Variants in DMGDH observed in about 807,000 individuals in gnomAD.
DMGDH encodes dimethylglycine dehydrogenase, mitochondrial.
In DMGDH, 76 loss-of-function variants were observed where a neutral mutation model predicts 95.2. That is an observed-to-expected ratio of 0.80 (90% CI 0.66 to 0.97). The LOEUF is 0.97. Ranked by LOEUF, DMGDH falls within the 50% of genes least tolerant of loss-of-function variation. The pLI, the probability that DMGDH is intolerant of heterozygous loss-of-function variation, is 0.00. For synonymous variants in DMGDH, 345 were observed against 377.6 expected (o/e 0.91, Z 1.00); for missense variants, 987 against 1,055.0 (o/e 0.94, Z 0.89).
chr5:79,051,688 C>T (rs1013676319), intron 4 of DMGDH, among the ~76,000 whole-genome samples, 197 bp from the exon 5 acceptor site: 1 of 152,136 alleles, frequency 6.6e-6, no homozygotes. Flanking sequence ...GAGAAATAAA[C>T]CTCTATCTTG....
At chr5:79,049,826 AT>A in intron 5 of DMGDH, among the ~76,000 whole-genome samples, 1 of 152,330 alleles carries the variant, frequency 6.6e-6, no homozygotes, top group South Asian at 2.1e-4. Context: ...TTCAAATTAT[AT>A]TAAAGAAAGC....
Position 79,000,577 on chromosome 5 carries a change from G to A in DMGDH, c.2386-2280C>T, listed in dbSNP as rs530792330. 6.0e-5 allele frequency: 36 copies of A among 601,772 alleles called. No individual in the cohort carries two copies. The East Asian group carries it at 8.8e-4, about 15-fold the overall frequency. The allele number at this position is 601,772 out of a possible 1,614,324, so 37.3% of individuals were successfully genotyped here. ...GATATCAAAATCCAGTGCTGTCACC[G>A]AACTTTCTGGCTGACATGCAAAAAT... is the stretch of plus-strand genomic sequence containing the variant. On this transcript the variant is annotated intron_variant, in intron 15 of 15. Coordinates refer to ENST00000255189, the MANE Select transcript of DMGDH (RefSeq NM_013391.3).
chr5:79,033,114 A>T, intron 8 of DMGDH, 125 bp downstream of exon 8: 1 of 1,206,234 alleles, frequency 8.3e-7, no homozygotes, highest in Non-Finnish European at 1.2e-6. Flanking sequence ...TCTCAGGGGC[A>T]CAATGCTTTT....
rs144610966 is a variant in DMGDH at position 78,997,800 on chromosome 5, T to A, written c.*282A>T. ...TAGGTTATAGTAATGATTGTGTATA[T>A]TAGCAAACACCTAAATGTTTTACTG... On this transcript the variant is annotated 3_prime_UTR_variant, in exon 16 of 16. Transcript: ENST00000255189. The A allele has an allele frequency of 2.3e-6, 1 of 426,404 alleles. No individual in the cohort carries two copies. Among genetic ancestry groups the A allele is most frequent in the African/African-American group, 2.0e-5 (1 of 50,154 alleles). The allele number at this position is 426,404 out of a possible 1,614,324, so 26.4% of individuals were successfully genotyped here. A position where few individuals can be genotyped will look rare whatever the true frequency, so the allele number is the denominator to read the frequency against.
At chr5:79,013,364 T>C (rs936384903) in intron 14 of DMGDH, among the ~76,000 whole-genome samples, 50 of 152,218 alleles carry the variant, frequency 3.3e-4, no homozygotes, top group African/African-American at 1.2e-3. Flanking sequence ...CTCCTCAGCT[T>C]GGCCATCTCT....
chr5:79,059,396 T>C (rs1231825712), intron 2 of DMGDH, among the ~76,000 whole-genome samples: 1 of 152,250 alleles, frequency 6.6e-6, no homozygotes, highest in Non-Finnish European at 1.5e-5. Flanking sequence ...CTCTGCATCC[T>C]GACACCCCTT....
rs1183016602 is a variant in DMGDH, at chr5:79,032,092, A to C, written c.1517+595T>G. Among the ~76,000 whole-genome samples, 3 of 152,240 alleles carry C rather than the reference A, an allele frequency of 2.0e-5. No individual in the cohort carries two copies. The East Asian group carries it at 5.8e-4, about 29-fold the overall frequency. ...GATCTGTGGATTCTCTTGAGAAAAA[A>C]ATATATAATCACTATTAATCCAAAG... On this transcript the variant is annotated intron_variant, in intron 9 of 15. Coordinates refer to ENST00000255189, the MANE Select transcript of DMGDH (RefSeq NM_013391.3).
chr5:79,011,415 T>C (rs1013970414), intron 14 of DMGDH, among the ~76,000 whole-genome samples: 4 of 152,334 alleles, frequency 2.6e-5, no homozygotes, highest in Non-Finnish European at 4.4e-5. Flanking sequence ...ACATTCCACA[T>C]AAGTTAACAA....
At chr5:79,063,808 A>G in intron 1 of DMGDH, 21 bp from the exon 2 acceptor site, 2 of 1,613,678 alleles carry the variant, frequency 1.2e-6, no homozygotes, top group Non-Finnish European at 1.7e-6. Context: ...GAAAGTTAAA[A>G]TGGGAACTTC....
intron 11 of DMGDH, 69 bp downstream of exon 11, chr5:79,029,835 G>C (rs1010650749): frequency 6.5e-6 from 10 of 1,527,912 alleles, no homozygotes; most frequent in Admixed American, 1.8e-5. Context: ...CTGGTAAAAA[G>C]AAAAACTTAA....
Position 79,030,007 on chromosome 5 carries a change from AC to A in DMGDH, c.1710del (p.Met570IlefsTer2), listed in dbSNP as rs1316705208. The A allele has an allele frequency of 6.2e-7, 1 of 1,613,940 alleles. No individual in the cohort carries two copies. Among genetic ancestry groups the A allele is most frequent in the Admixed American group, 1.7e-5 (1 of 60,008 alleles). On this transcript the variant is annotated frameshift_variant, in exon 11 of 16. Coordinates refer to ENST00000255189, the MANE Select transcript of DMGDH (RefSeq NM_013391.3). LOFTEE classifies it high-confidence loss of function. ...GCATACACTCGACCCTTGGGTGTTAACATGTGACTTATATTTGTAAAACCCA... is the reference window on the plus strand; with the variant it reads ...GCATACACTCGACCCTTGGGTGTTAAATGTGACTTATATTTGTAAAACCCA... Reference protein sequence around the residue: ...PKVGFTNISHMLTPKGRVYAE... With the variant: ...PKVGFTNISHXLTPKGRVYAE...
At chr5:79,038,416 G>A (rs748017039) in intron 7 of DMGDH, among the ~76,000 whole-genome samples, 1 of 152,088 alleles carries the variant, frequency 6.6e-6, no homozygotes, top group Non-Finnish European at 1.5e-5. Flanking sequence ...CCCGGGAGGT[G>A]GAGGTTGCAG....
rs764148418 is a variant in DMGDH, at chr5:79,030,050, AAAAAT to A, written c.1684-21_1684-17del. 6.2e-7 allele frequency: 1 copy of A among 1,608,258 alleles called. No individual in the cohort carries two copies. The highest frequency in any genetic ancestry group is 1.1e-5 in the South Asian group (1 of 89,816). On this transcript the variant is annotated splice_polypyrimidine_tract_variant and intron_variant, in intron 10 of 15. Coordinates refer to ENST00000255189, the MANE Select transcript of DMGDH (RefSeq NM_013391.3). ...TAAAACCCACCTACATAAAAAAATT[AAAAAT>A]TACCTTAGGATGAACTAAAAATCAC...
At chr5:79,006,215 C>CA (rs56141633) in intron 14 of DMGDH, among the ~76,000 whole-genome samples, 25,181 of 127,528 alleles carry the variant, frequency 0.2, 2,226 homozygotes, top group Admixed American at 0.23. Flanking sequence ...TTATGTGTTA[C>CA]AAAAAAAAAA....
chr5:79,054,254 TGCCA>T lies in DMGDH; in HGVS notation c.466_469del (p.Trp156MetfsTer22). On this transcript the variant is annotated frameshift_variant, in exon 4 of 16. Coordinates refer to ENST00000255189, the MANE Select transcript of DMGDH (RefSeq NM_013391.3). LOFTEE classifies it high-confidence loss of function. ...TTCAATGAGATACTGTTCTGTTGCA[TGCCA>T]GCCAGTCCGAGTCATTTGATATTTA... 6.2e-7 allele frequency: 1 copy of T among 1,614,162 alleles called. No individual in the cohort carries two copies. The highest frequency in any genetic ancestry group is 1.1e-5 in the South Asian group (1 of 91,086).
chr5:79,043,200 T>C (rs777041815), intron 6 of DMGDH, among the ~76,000 whole-genome samples: 14 of 152,244 alleles, frequency 9.2e-5, no homozygotes, highest in Admixed American at 6.5e-4. Flanking sequence ...CATGGAGGCC[T>C]GCAGACCATC....
chr5:79,043,546 C>T (rs1719111405), intron 6 of DMGDH, among the ~76,000 whole-genome samples: 1 of 152,208 alleles, frequency 6.6e-6, no homozygotes, highest in Non-Finnish European at 1.5e-5. Flanking sequence ...CATTTCCTAT[C>T]TCAAGAAGCT....
intron 7 of DMGDH, among the ~76,000 whole-genome samples, chr5:79,038,425 A>C (rs529961322): frequency 6.6e-5 from 10 of 152,178 alleles, no homozygotes; most frequent in Non-Finnish European, 1.2e-4. Context: ...TGGAGGTTGC[A>C]GTCAGACAAG....
chr5:79,061,191 C>T (rs1296423798), intron 2 of DMGDH, among the ~76,000 whole-genome samples: 2 of 150,638 alleles, frequency 1.3e-5, no homozygotes, highest in Non-Finnish European at 3.0e-5. Context: ...TGCACTCCAG[C>T]CTGGGTGACA....
Sources: gnomAD v4.1 joint callset for allele counts (sites outside exome capture counted in the v4.1 genomes callset) on GRCh38, gnomAD v4.1.1 for gene constraint, MANE v1.5 for transcripts, NCBI Gene and HGNC (gene_info 2026-07-23, HGNC 2026-07-21) for gene names.